The following ERVMER34-1 variants were observed in gnomAD, a reference collection of about 807,000 sequenced individuals.
The protein encoded by ERVMER34-1 is endogenous retroviral envelope protein HEMO.
For missense variants in ERVMER34-1, 471 were observed against 295.1 expected (o/e 1.60, Z -4.37); for synonymous variants, 199 against 111.7 (o/e 1.78, Z -4.93).
intron 2 of ERVMER34-1, chr4:52,750,644 T>C (rs1005772284): frequency 1.3e-5 from 2 of 152,246 alleles, no homozygotes; most frequent in African/African-American, 4.8e-5. Context: ...TGGACTTCTT[T>C]GGCCACTGTG....
At position 52,745,471 on chromosome 4, in the gene ERVMER34-1, A is replaced by G. The variant is rs1201318837; in HGVS notation, c.50T>C (p.Phe17Ser). The stretch of plus-strand genomic sequence containing the variant: ...CTGAGGTTGTACTAGAATTGTCAAA[A>G]AAGCAGTAAGGGTTAGTTGAAGCAG... ...YALLQLTLTAFLTILVQPQHL... is the reference protein window; with the variant it reads ...YALLQLTLTASLTILVQPQHL... Residue 17 changes from phenylalanine to serine, a missense_variant, in exon 3 of 3, where the codon TTT becomes TCT. Phe to Ser is a radical substitution (Grantham distance 155, BLOSUM62 -2). Coordinates refer to ENST00000443173, the MANE Select transcript of ERVMER34-1 (RefSeq NM_001242690.2). 3 of 704,016 alleles carry G rather than the reference A, an allele frequency of 4.3e-6. No individual in the cohort carries two copies. Among genetic ancestry groups the G allele is most frequent in the Middle Eastern group, 2.3e-4 (1 of 4,392 alleles). 43.6% of individuals were successfully genotyped at this position (704,016 alleles called of 1,614,324 possible).
intron 2 of ERVMER34-1, 50 bp downstream of exon 2, chr4:52,750,880 C>T (rs1716269777): frequency 6.6e-6 from 1 of 152,346 alleles, no homozygotes. Flanking sequence ...TCCCACTGGC[C>T]ACGTGCTCAG....
At chr4:52,746,243 C>T (rs1716155225) in intron 2 of ERVMER34-1, among the ~76,000 whole-genome samples, 1 of 152,136 alleles carries the variant, frequency 6.6e-6, no homozygotes, top group Non-Finnish European at 1.5e-5. Context: ...TGGTCTGGAA[C>T]CCCTGGCCTC....
intron 2 of ERVMER34-1, among the ~76,000 whole-genome samples, chr4:52,747,795 T>C (rs1284456181): frequency 1.3e-5 from 2 of 152,214 alleles, no homozygotes; most frequent in Non-Finnish European, 2.9e-5. Flanking sequence ...CCCAACACTT[T>C]GGGAAGCCAA....
intron 2 of ERVMER34-1, among the ~76,000 whole-genome samples, chr4:52,748,825 T>C (rs1716213194): frequency 1.3e-5 from 2 of 152,166 alleles, no homozygotes; most frequent in Non-Finnish European, 2.9e-5. Flanking sequence ...ACAACTTTCT[T>C]CCTCTCAGGT....
At chr4:52,749,885 A>G (rs1052982163) in intron 2 of ERVMER34-1, among the ~76,000 whole-genome samples, 2 of 152,298 alleles carry the variant, frequency 1.3e-5, no homozygotes, top group East Asian at 3.9e-4. Context: ...CACTGGTGAA[A>G]GAGAAAACGT....
chr4:52,743,776 A>G lies in ERVMER34-1; in HGVS notation c.*53T>C. ...ATTCTCGGTAAGACCTGCTTTACTC[A>G]TCAAAGTTTAGCTAAGGCTTTTTGT... On this transcript the variant is annotated 3_prime_UTR_variant, in exon 3 of 3. Transcript: ENST00000443173. 1 of 1,439,180 alleles carries G rather than the reference A, an allele frequency of 6.9e-7. No individual in the cohort carries two copies. The highest frequency in any genetic ancestry group is 1.5e-5 in the South Asian group (1 of 66,686). 89.2% of individuals were successfully genotyped at this position (1,439,180 alleles called of 1,614,324 possible).
rs1381924905 is a variant in ERVMER34-1 at position 52,749,670 on chromosome 4, G to A, written c.-424+1260C>T. Among the ~76,000 whole-genome samples the A allele has an allele frequency of 2.0e-5, 3 of 152,102 alleles. No individual in the cohort carries two copies. The East Asian group carries it at 5.8e-4, about 29-fold the overall frequency. On this transcript the variant is annotated intron_variant, in intron 2 of 2. Coordinates refer to ENST00000443173, the MANE Select transcript of ERVMER34-1 (RefSeq NM_001242690.2). ...AATACAAAAATTAGCCAGCGTGGTG[G>A]CTTGTGCATGTCTTCCCAGCTACTC...
At chr4:52,747,887 A>G (rs1716191074) in intron 2 of ERVMER34-1, among the ~76,000 whole-genome samples, 1 of 152,174 alleles carries the variant, frequency 6.6e-6, no homozygotes, top group East Asian at 1.9e-4. Context: ...AAAATATAAA[A>G]TTAGCCAGGC....
chr4:52,749,696 G>A (rs1021664396), intron 2 of ERVMER34-1, among the ~76,000 whole-genome samples: 12 of 152,060 alleles, frequency 7.9e-5, no homozygotes, highest in Admixed American at 5.2e-4. Context: ...CCAGCTACTC[G>A]GGGGATCACT....
In ERVMER34-1 at chr4:52,744,600, T is replaced by C. The variant is rs771699117; in HGVS notation, c.921A>G (p.Lys307=). ...LFFLCGNGVY[K]GFPPKWSGRC... is the part of the protein sequence containing the mutation. ...GCCCAGACCATTTAGGTGGAAACCC[T>C]TTGTACACCCCATTGCCGCACAAAA... The change falls in exon 3 of 3, where the codon AAA becomes AAG. Residue 307 remains lysine, a synonymous_variant. Coordinates refer to ENST00000443173, the MANE Select transcript of ERVMER34-1 (RefSeq NM_001242690.2). 1 of 703,960 alleles carries C rather than the reference T, an allele frequency of 1.4e-6. No individual in the cohort carries two copies. Among genetic ancestry groups the C allele is most frequent in the Non-Finnish European group, 2.6e-6 (1 of 385,014 alleles). 43.6% of individuals were successfully genotyped at this position (703,960 alleles called of 1,614,324 possible). A position where few individuals can be genotyped will look rare whatever the true frequency, so the allele number is the denominator to read the frequency against.
chr4:52,749,133 T>G (rs1285968238), intron 2 of ERVMER34-1, among the ~76,000 whole-genome samples: 2 of 152,172 alleles, frequency 1.3e-5, no homozygotes, highest in Non-Finnish European at 2.9e-5. Flanking sequence ...CCCAAAGTGC[T>G]AGTATTATAG....
intron 2 of ERVMER34-1, chr4:52,748,089 T>G (rs1340103637): frequency 6.1e-6 from 1 of 163,644 alleles, no homozygotes; most frequent in Non-Finnish European, 1.3e-5. Flanking sequence ...GTGCAGGGAG[T>G]AGTAGCAAAC....
At chr4:52,750,180 G>A (rs1348571565) in intron 2 of ERVMER34-1, among the ~76,000 whole-genome samples, 1 of 151,996 alleles carries the variant, frequency 6.6e-6, no homozygotes, top group Non-Finnish European at 1.5e-5. Flanking sequence ...TGAATTTTTA[G>A]TAGAGATGGG....
chr4:52,744,880 ACCCATTT>A lies in ERVMER34-1; in HGVS notation c.634_640del (p.Lys212Ter). On this transcript the variant is annotated frameshift_variant, in exon 3 of 3. Transcript: ENST00000443173. LOFTEE classifies it low-confidence loss of function (END_TRUNC). ...CCAGGTCAATCCAGAATTTCGATCT[ACCCATTT>A]GTAGTCTTGGGTATTGGGCAGACCA... is the stretch of plus-strand genomic sequence containing the variant. 2.8e-6 allele frequency: 2 copies of A among 704,080 alleles called. No individual in the cohort carries two copies. The highest frequency in any genetic ancestry group is 1.7e-5 in the African/African-American group (1 of 57,360). 43.6% of individuals were successfully genotyped at this position (704,080 alleles called of 1,614,324 possible).
rs889987663 is a variant in ERVMER34-1 at position 52,744,832 on chromosome 4, T to C, written c.689A>G (p.Tyr230Cys). ...GCCTTTGGTTTGGTTTTGGCAGCTA[T>C]AGAGACAGGTGTCATTACCTGACCA... ...LTWSGNDTCL[Y>C]SCQNQTKGLL... Residue 230 changes from tyrosine to cysteine, a missense_variant, in exon 3 of 3, where the codon TAT (tyrosine) becomes TGT (cysteine). Physicochemically the swap from Tyr to Cys is radical, Grantham distance 194. Transcript: ENST00000443173. The C allele has an allele frequency of 3.3e-5, 23 of 704,010 alleles. 1 individual carries two copies. The Admixed American group carries it at 3.6e-4, about 11-fold the overall frequency. The allele number at this position is 704,010 out of a possible 1,614,324, so 43.6% of individuals were successfully genotyped here.
In ERVMER34-1 at chr4:52,745,596, A is replaced by G; in HGVS notation, c.-76T>C. Reference sequence around the variant, plus strand: ...TCAATGAAAGGGGAGGGTTTTGTTTAAATTTCTAAGTCAGAGAATTTTCCA... The same window carrying G: ...TCAATGAAAGGGGAGGGTTTTGTTTGAATTTCTAAGTCAGAGAATTTTCCA... On this transcript the variant is annotated 5_prime_UTR_variant, in exon 3 of 3. Transcript: ENST00000443173. 1 of 639,456 alleles carries G rather than the reference A, an allele frequency of 1.6e-6. No homozygotes were observed. The highest frequency in any genetic ancestry group is 2.8e-6 in the Non-Finnish European group (1 of 356,100). The allele number at this position is 639,456 out of a possible 1,614,324, so 39.6% of individuals were successfully genotyped here.
chr4:52,745,686 G>T lies in ERVMER34-1; in HGVS notation c.-166C>A. ...GATGAAGTTCTTGGTCTGAGATACTGAGTAAAGCTGTCTACTTCATCTGCT... is the reference window on the plus strand; with the variant it reads ...GATGAAGTTCTTGGTCTGAGATACTTAGTAAAGCTGTCTACTTCATCTGCT... On this transcript the variant is annotated 5_prime_UTR_variant, in exon 3 of 3. Transcript: ENST00000443173. 1.7e-6 allele frequency: 1 copy of T among 601,170 alleles called. No individual in the cohort carries two copies. Among genetic ancestry groups the T allele is most frequent in the Non-Finnish European group, 2.9e-6 (1 of 339,226 alleles). 37.2% of individuals were successfully genotyped at this position (601,170 alleles called of 1,614,324 possible). A position where few individuals can be genotyped will look rare whatever the true frequency, so the allele number is the denominator to read the frequency against.
intron 2 of ERVMER34-1, among the ~76,000 whole-genome samples, chr4:52,750,546 T>C (rs1716261336): frequency 2.0e-5 from 3 of 152,300 alleles, no homozygotes; most frequent in Admixed American, 1.3e-4. Context: ...CTCACGTTCA[T>C]TGTCGGGCAA....
Sources: gnomAD v4.1 joint callset for allele counts (sites outside exome capture counted in the v4.1 genomes callset) on GRCh38, gnomAD v4.1.1 for gene constraint, MANE v1.5 for transcripts, NCBI Gene and HGNC (gene_info 2026-07-23, HGNC 2026-07-21) for gene names.